Variants in CTNNA3 observed in about 807,000 individuals in gnomAD.
The protein encoded by CTNNA3 is catenin alpha 3.
In CTNNA3, 76 loss-of-function variants were observed where a neutral mutation model predicts 95.7. The observed-to-expected ratio is 0.79, with a 90% CI of 0.66 to 0.96. CTNNA3 has a LOEUF of 0.96. Ranked by LOEUF, CTNNA3 falls within the 40% of genes least tolerant of loss-of-function variation. The pLI is 0.00. For missense variants in CTNNA3, 1,191 were observed against 1,089.8 expected, an observed-to-expected ratio of 1.09 and a Z score of -1.31; for synonymous variants, 431 against 374.4, an observed-to-expected ratio of 1.15 and a Z score of -1.74.
At chr10:67,599,349 T>C (rs1034880216) in intron 3 of CTNNA3, among the ~76,000 whole-genome samples, 1 of 152,156 alleles carries the variant, frequency 6.6e-6, no homozygotes, top group Admixed American at 6.6e-5. Context: ...GTCAAGTATA[T>C]AACCAAAACT....
chr10:66,985,267 A>G (rs1207168515), intron 7 of CTNNA3, among the ~76,000 whole-genome samples: 3 of 152,228 alleles, frequency 2.0e-5, no homozygotes, highest in African/African-American at 7.2e-5. Context: ...TTATTGTTAT[A>G]AAGTTTAACA....
chr10:67,169,093 T>A (rs753952770), intron 7 of CTNNA3, among the ~76,000 whole-genome samples: 2 of 152,006 alleles, frequency 1.3e-5, no homozygotes, highest in African/African-American at 4.8e-5. Context: ...AGGAGAAAGA[T>A]CTCTATAACA....
intron 7 of CTNNA3, among the ~76,000 whole-genome samples, chr10:66,847,308 T>C (rs1218533363): frequency 1.3e-5 from 2 of 152,222 alleles, no homozygotes; most frequent in Non-Finnish European, 2.9e-5. Flanking sequence ...CAGGGCTATA[T>C]CTATCATTCC....
At chr10:67,365,514 T>G (rs1047688009) in intron 5 of CTNNA3, among the ~76,000 whole-genome samples, 1 of 151,954 alleles carries the variant, frequency 6.6e-6, no homozygotes, top group Non-Finnish European at 1.5e-5. Context: ...AAAAAGAACT[T>G]AAACAAATTT....
chr10:66,006,216 T>C (rs1055345305), intron 15 of CTNNA3, among the ~76,000 whole-genome samples: 4 of 151,840 alleles, frequency 2.6e-5, no homozygotes, highest in African/African-American at 9.7e-5. Flanking sequence ...GGCTTCACAG[T>C]GTTAGCCAGG....
At chr10:67,218,480 T>C (rs749209639) in intron 6 of CTNNA3, among the ~76,000 whole-genome samples, 4 of 152,142 alleles carry the variant, frequency 2.6e-5, no homozygotes, top group African/African-American at 4.8e-5. Context: ...TCCCTGCTGA[T>C]TGGCCTAGGC....
At chr10:65,985,382 T>A (rs943651222) in intron 16 of CTNNA3, among the ~76,000 whole-genome samples, 1 of 151,246 alleles carries the variant, frequency 6.6e-6, no homozygotes, top group Non-Finnish European at 1.5e-5. Context: ...AACACATTAA[T>A]GAAAGCAACA....
At chr10:66,795,854 C>T (rs1262094220) in intron 7 of CTNNA3, among the ~76,000 whole-genome samples, 1 of 152,158 alleles carries the variant, frequency 6.6e-6, no homozygotes, top group Non-Finnish European at 1.5e-5. Context: ...ATGAAGCTGG[C>T]TTCTTTCCTT....
chr10:67,535,307 T>C (rs901289154), intron 4 of CTNNA3, among the ~76,000 whole-genome samples: 1 of 152,126 alleles, frequency 6.6e-6, no homozygotes, highest in African/African-American at 2.4e-5. Context: ...CTGTTTTCCA[T>C]GTCATTAAAC....
At chr10:67,758,676 T>C (rs1027365639) in intron 1 of CTNNA3, among the ~76,000 whole-genome samples, 2 of 152,098 alleles carry the variant, frequency 1.3e-5, no homozygotes, top group Admixed American at 1.3e-4. Context: ...AGCTTGTCCA[T>C]AGAGTTTTAT....
chr10:66,099,011 G>T (rs191780840), intron 14 of CTNNA3, among the ~76,000 whole-genome samples: 1 of 152,262 alleles, frequency 6.6e-6, no homozygotes, highest in Non-Finnish European at 1.5e-5. Flanking sequence ...AATAATAAAT[G>T]ATGTTGAGCT....
chr10:66,389,737 G>C lies in CTNNA3; in HGVS notation c.1532-10385C>G, dbSNP rs976443689. On this transcript the variant is annotated intron_variant, in intron 11 of 17. Transcript: ENST00000433211. ...ATATATATATATGGAGAGAGAGAGA[G>C]AGAGAGAGAGAGAGAGAGAGAGATA... Among the ~76,000 whole-genome samples, 43 of 150,864 alleles carry C rather than the reference G, an allele frequency of 2.9e-4. 1 individual carries two copies. Among genetic ancestry groups the C allele is most frequent in the South Asian group, 6.3e-4 (3 of 4,742 alleles).
At chr10:67,460,645 T>C (rs964831329) in intron 5 of CTNNA3, among the ~76,000 whole-genome samples, 3 of 152,190 alleles carry the variant, frequency 2.0e-5, no homozygotes, top group Admixed American at 2.0e-4. Context: ...TTTACATTTA[T>C]TCATTTATTT....
At chr10:67,546,179 G>T (rs917536549) in intron 3 of CTNNA3, among the ~76,000 whole-genome samples, 6 of 151,906 alleles carry the variant, frequency 3.9e-5, no homozygotes, top group Non-Finnish European at 8.8e-5. Context: ...TGTCACCTAG[G>T]CTGGAGTACA....
chr10:67,589,434 A>G (rs1356367178), intron 3 of CTNNA3, among the ~76,000 whole-genome samples: 1 of 152,108 alleles, frequency 6.6e-6, no homozygotes, highest in African/African-American at 2.4e-5. Context: ...AATGTTTGCA[A>G]ATTAATAGGA....
intron 9 of CTNNA3, among the ~76,000 whole-genome samples, chr10:66,685,442 G>A (rs564610778): frequency 3.3e-5 from 4 of 121,240 alleles, no homozygotes; most frequent in East Asian, 2.7e-4. Context: ...GCGCTATCTC[G>A]GTTCACTGTA....
intron 1 of CTNNA3, among the ~76,000 whole-genome samples, chr10:67,720,147 T>TTTTTTTTTTTTTTTTTTTTC (rs1347445736): frequency 8.9e-6 from 1 of 112,890 alleles, no homozygotes; most frequent in Non-Finnish European, 1.9e-5. Flanking sequence ...TTTTTTTTTT[T>TTTTTTTTTTTTTTTTTTTTC]TTTTTGCTGT....
chr10:66,672,211 A>T (rs1026203285), intron 9 of CTNNA3, among the ~76,000 whole-genome samples: 10 of 152,162 alleles, frequency 6.6e-5, no homozygotes, highest in African/African-American at 2.4e-4. Context: ...TATATCCCTC[A>T]TCCTGGCCAT....
At chr10:66,785,961 G>A (rs1302110900) in intron 7 of CTNNA3, among the ~76,000 whole-genome samples, 1 of 152,088 alleles carries the variant, frequency 6.6e-6, no homozygotes, top group Non-Finnish European at 1.5e-5. Context: ...AGGCAGGGAG[G>A]AGGAGAGTAG....
Sources: allele counts gnomAD v4.1 joint callset (sites outside exome capture counted in the v4.1 genomes callset), GRCh38; gene constraint gnomAD v4.1.1; transcripts MANE v1.5; gene names NCBI Gene and HGNC (gene_info 2026-07-23, HGNC 2026-07-21).